The following TMEM272 variants were observed in gnomAD, a reference collection of about 807,000 sequenced individuals.
TMEM272 encodes transmembrane protein 272.
Under a neutral mutation model 3.7 loss-of-function variants are expected in TMEM272, and 8 were observed. The ratio of observed to expected loss-of-function variants is 2.17; its 90% CI spans 1.27 to 3.91. TMEM272 has a LOEUF of 3.91. Among genes scored for constraint, TMEM272 ranks in the 30% most tolerant of loss-of-function variants. The pLI, the probability that TMEM272 is intolerant of heterozygous loss-of-function variation, is 0.00. For missense variants in TMEM272, 166 were observed against 91.5 expected (o/e 1.81, Z -3.32); for synonymous variants, 63 against 39.8 (o/e 1.58, Z -2.20).
At chr13:51,870,180 G>C in the TMEM272 span, among the ~76,000 whole-genome samples, 3 of 152,110 alleles carry the variant, frequency 2.0e-5, no homozygotes, top group South Asian at 6.2e-4. Context: ...TGAAGGAGGG[G>C]ATCTCACACT....
the TMEM272 span, among the ~76,000 whole-genome samples, chr13:51,914,636 C>G: frequency 6.6e-6 from 1 of 152,250 alleles, no homozygotes; most frequent in African/African-American, 2.4e-5. Flanking sequence ...CACAACCTCC[C>G]TGAGTGGCAA....
At chr13:51,887,273 A>C in the TMEM272 span, among the ~76,000 whole-genome samples, 1 of 152,138 alleles carries the variant, frequency 6.6e-6, no homozygotes, top group Non-Finnish European at 1.5e-5. Context: ...TCACTCTATA[A>C]ACATCATTAA....
At chr13:51,903,942 C>CGTGTGTGTGTGT in the TMEM272 span, among the ~76,000 whole-genome samples, 12,192 of 136,574 alleles carry the variant, frequency 0.089, 660 homozygotes, top group African/African-American at 0.13. Flanking sequence ...CAGTCTTCCA[C>CGTGTGTGTGTGT]GTGTGTGTGT....
the TMEM272 span, among the ~76,000 whole-genome samples, chr13:51,928,616 ACCT>A: frequency 6.6e-6 from 1 of 151,986 alleles, no homozygotes; most frequent in African/African-American, 2.4e-5. Context: ...GCCCCTTCCA[ACCT>A]CCTAGCTCAG....
the TMEM272 span, among the ~76,000 whole-genome samples, chr13:51,850,851 G>A: frequency 3.9e-5 from 6 of 152,112 alleles, 1 homozygote; most frequent in South Asian, 1.0e-3. Context: ...ATGTTTCAAA[G>A]TAACAGTACA....
the TMEM272 span, among the ~76,000 whole-genome samples, chr13:51,858,710 G>A: frequency 1.2e-3 from 185 of 152,214 alleles, 1 homozygote; most frequent in African/African-American, 4.3e-3. Context: ...CACACAGAAG[G>A]GTAAGAAAAA....
chr13:51,925,262 T>C, the TMEM272 span, among the ~76,000 whole-genome samples: 3 of 152,172 alleles, frequency 2.0e-5, no homozygotes, highest in Non-Finnish European at 2.9e-5. Flanking sequence ...GAACATCACA[T>C]TTCATCGACT....
chr13:51,880,296 A>G, the TMEM272 span, among the ~76,000 whole-genome samples: 1 of 147,590 alleles, frequency 6.8e-6, no homozygotes, highest in Non-Finnish European at 1.5e-5. Context: ...AAAAAAAAAA[A>G]GTAAGGACTC....
At chr13:51,860,392 C>T in the TMEM272 span, among the ~76,000 whole-genome samples, 1 of 152,034 alleles carries the variant, frequency 6.6e-6, no homozygotes, top group Non-Finnish European at 1.5e-5. Context: ...ATAATCCCAA[C>T]AGTTTGGGAA....
At chr13:51,905,684 A>T in the TMEM272 span, among the ~76,000 whole-genome samples, 2 of 152,200 alleles carry the variant, frequency 1.3e-5, no homozygotes, top group Non-Finnish European at 2.9e-5. Context: ...AGTGCTAGGA[A>T]ATGCAAATTG....
intron 3 of TMEM272, among the ~76,000 whole-genome samples, chr13:51,824,336 A>G (rs1392868914): frequency 6.6e-6 from 1 of 152,228 alleles, no homozygotes. Context: ...TACCAAATGT[A>G]GTGATTTTTA....
At chr13:51,851,832 T>TA in the TMEM272 span, among the ~76,000 whole-genome samples, 1 of 152,080 alleles carries the variant, frequency 6.6e-6, no homozygotes, top group African/African-American at 2.4e-5. Flanking sequence ...CTGTTATATA[T>TA]TTTTTTACAG....
At chr13:51,897,154 A>G in the TMEM272 span, among the ~76,000 whole-genome samples, 1 of 152,314 alleles carries the variant, frequency 6.6e-6, no homozygotes, top group Admixed American at 6.5e-5. Flanking sequence ...CAGAAACCCA[A>G]ATCTTTTGAA....
At chr13:51,929,207 G>C in the TMEM272 span, among the ~76,000 whole-genome samples, 124 of 152,106 alleles carry the variant, frequency 8.2e-4, 1 homozygote, top group South Asian at 1.7e-3. Context: ...AAAAAAAAAA[G>C]TTATATAAAC....
the TMEM272 span, among the ~76,000 whole-genome samples, chr13:51,850,939 C>T: frequency 8.5e-5 from 13 of 152,104 alleles, no homozygotes; most frequent in African/African-American, 2.4e-4. Context: ...GAATATATCC[C>T]GCTAAGGAGG....
At chr13:51,865,926 C>T in the TMEM272 span, 1 of 1,613,910 alleles carries the variant, frequency 6.2e-7, no homozygotes. Context: ...GATAAAACGT[C>T]CCTCTGGGAG....
chr13:51,911,952 C>T, the TMEM272 span, among the ~76,000 whole-genome samples: 4 of 152,092 alleles, frequency 2.6e-5, no homozygotes, highest in South Asian at 2.1e-4. Context: ...AGGGCTTTCC[C>T]GCTTCTTTCC....
the TMEM272 span, among the ~76,000 whole-genome samples, chr13:51,892,787 C>A: frequency 6.6e-6 from 1 of 152,142 alleles, no homozygotes; most frequent in Non-Finnish European, 1.5e-5. Flanking sequence ...GTTCCTGGGT[C>A]TGGTGGCTCA....
the TMEM272 span, chr13:51,910,066 G>C: frequency 8.1e-7 from 1 of 1,233,396 alleles, no homozygotes; most frequent in Admixed American, 1.7e-5. Context: ...TCAGTTAGTA[G>C]TGATTTGAGG....
Sources: gnomAD v4.1 joint callset for allele counts (sites outside exome capture counted in the v4.1 genomes callset) on GRCh38, gnomAD v4.1.1 for gene constraint, MANE v1.5 for transcripts, NCBI Gene and HGNC (gene_info 2026-07-23, HGNC 2026-07-21) for gene names.